CTNNA2: variants seen among roughly 807,000 people sequenced by gnomAD.
CTNNA2 encodes catenin alpha 2, also known as catenin alpha-2.
Under a neutral mutation model 101.0 loss-of-function variants are expected in CTNNA2, and 42 were observed. That is an observed-to-expected ratio of 0.42 (90% CI 0.32 to 0.54). The LOEUF is 0.54. Among genes scored for constraint, CTNNA2 ranks in the 20% least tolerant of loss-of-function variants. The pLI is 0.14. For synonymous variants in CTNNA2, 450 were observed against 456.4 expected (o/e 0.99, Z 0.18); for missense variants, 871 against 1,223.1 (o/e 0.71, Z 4.29).
At chr2:80,327,399 C>T (rs1670909265) in intron 7 of CTNNA2, among the ~76,000 whole-genome samples, 1 of 152,160 alleles carries the variant, frequency 6.6e-6, no homozygotes, top group Admixed American at 6.5e-5. Flanking sequence ...GCTAACTCAT[C>T]CTGTTCCAAA....
intron 2 of CTNNA2, among the ~76,000 whole-genome samples, chr2:79,277,507 T>C (rs148831443): frequency 1.2e-3 from 188 of 152,184 alleles, no homozygotes; most frequent in African/African-American, 4.3e-3. Context: ...CTAAGGATCC[T>C]CTCACTGCTG....
At chr2:80,403,375 T>C (rs1277539895) in intron 8 of CTNNA2, among the ~76,000 whole-genome samples, 2 of 152,202 alleles carry the variant, frequency 1.3e-5, no homozygotes, top group Non-Finnish European at 2.9e-5. Context: ...AAGGGCTGGC[T>C]TTTAAATTTT....
At chr2:80,300,704 A>T (rs1676204563) in intron 7 of CTNNA2, among the ~76,000 whole-genome samples, 1 of 152,188 alleles carries the variant, frequency 6.6e-6, no homozygotes, top group Non-Finnish European at 1.5e-5. Context: ...ACTTAGGGAC[A>T]TGGGCTACAT....
intron 15 of CTNNA2, among the ~76,000 whole-genome samples, chr2:80,589,911 C>T (rs549599172): frequency 8.1e-5 from 12 of 147,772 alleles, no homozygotes; most frequent in East Asian, 4.0e-4. Flanking sequence ...TGTGTGCGCG[C>T]GCGCGCATGT....
chr2:79,877,472 C>G (rs913769754), intron 6 of CTNNA2, among the ~76,000 whole-genome samples: 1 of 152,022 alleles, frequency 6.6e-6, no homozygotes, highest in Non-Finnish European at 1.5e-5. Context: ...AAATAATATA[C>G]CGTTTCTCTT....
At chr2:79,338,332 G>T (rs1677043732) in intron 3 of CTNNA2, among the ~76,000 whole-genome samples, 1 of 151,956 alleles carries the variant, frequency 6.6e-6, no homozygotes, top group Non-Finnish European at 1.5e-5. Context: ...GGCAGAGGAA[G>T]AGAATTTGAG....
intron 4 of CTNNA2, among the ~76,000 whole-genome samples, chr2:79,400,269 CT>C (rs1678275674): frequency 6.6e-6 from 1 of 151,802 alleles, no homozygotes; most frequent in African/African-American, 2.4e-5. Context: ...AAGGAAATTC[CT>C]TGTGAGGGAG....
In CTNNA2 at chr2:80,412,845, A is replaced by C. The variant is rs1044075537; in HGVS notation, c.1138-6604A>C. On this transcript the variant is annotated intron_variant, in intron 8 of 18. Transcript: ENST00000402739. Reference sequence around the variant, plus strand: ...GGGACAGGCAGTCTAGCCTGGGCACATGCTTCTCATGGGGATGGCAGAGAA... The same window carrying C: ...GGGACAGGCAGTCTAGCCTGGGCACCTGCTTCTCATGGGGATGGCAGAGAA... Among the ~76,000 whole-genome samples the C allele has an allele frequency of 9.2e-5, 14 of 152,228 alleles. No individual in the cohort carries two copies. In the South Asian group the frequency reaches 1.0e-3, roughly 11 times the overall value.
intron 7 of CTNNA2, among the ~76,000 whole-genome samples, chr2:80,123,502 A>G (rs1223101178): frequency 1.3e-5 from 2 of 151,972 alleles, no homozygotes; most frequent in Non-Finnish European, 2.9e-5. Flanking sequence ...GGAGACATTA[A>G]TAACACATGG....
chr2:79,298,299 G>T (rs1328130493), intron 2 of CTNNA2, among the ~76,000 whole-genome samples: 1 of 152,048 alleles, frequency 6.6e-6, no homozygotes, highest in Admixed American at 6.6e-5. Context: ...TCTCAGGAAC[G>T]AATAGAGAAA....
intron 3 of CTNNA2, among the ~76,000 whole-genome samples, chr2:79,748,850 A>G (rs1253620176): frequency 6.6e-6 from 1 of 152,034 alleles, no homozygotes; most frequent in African/African-American, 2.4e-5. Context: ...AGATTTCCCT[A>G]TATCTGTAAA....
At chr2:80,402,627 T>C (rs1433557350) in intron 8 of CTNNA2, among the ~76,000 whole-genome samples, 1 of 151,920 alleles carries the variant, frequency 6.6e-6, no homozygotes, top group African/African-American at 2.4e-5. Flanking sequence ...GGGTTAAAGA[T>C]CAAATATTAG....
intron 7 of CTNNA2, among the ~76,000 whole-genome samples, chr2:79,917,250 T>C (rs1342534459): frequency 6.6e-6 from 1 of 151,828 alleles, no homozygotes; most frequent in Non-Finnish European, 1.5e-5. Flanking sequence ...TTTTTATTTT[T>C]AGTAGAGACG....
At chr2:79,511,836 A>G (rs896089096), upstream of CTNNA2, among the ~76,000 whole-genome samples, 5 of 152,188 alleles carry the variant, frequency 3.3e-5, no homozygotes, top group Non-Finnish European at 5.9e-5. Flanking sequence ...AATTTAAAAA[A>G]TGCATGCACT....
Position 80,181,748 on chromosome 2 carries a change from G to A in CTNNA2, c.1057-211463G>A, listed in dbSNP as rs574495074. On this transcript the variant is annotated intron_variant, in intron 7 of 18. Transcript: ENST00000402739. The stretch of plus-strand genomic sequence containing the variant: ...TATGGTCAAAGGTATTATGTATAGA[G>A]TCACTGTATTCTTTGCCACTCACAA... Among the ~76,000 whole-genome samples, 4 of 152,314 alleles carry A rather than the reference G, an allele frequency of 2.6e-5. No individual in the cohort carries two copies. In the South Asian group the frequency reaches 8.3e-4, roughly 32 times the overall value.
intron 1 of CTNNA2, among the ~76,000 whole-genome samples, chr2:79,549,445 T>C (rs1368336938): frequency 1.3e-5 from 2 of 152,228 alleles, no homozygotes; most frequent in African/African-American, 2.4e-5. Flanking sequence ...ACATCCAGGA[T>C]GGTTTAGATC....
At chr2:79,634,074 G>T (rs1239406121) in intron 1 of CTNNA2, among the ~76,000 whole-genome samples, 1 of 152,208 alleles carries the variant, frequency 6.6e-6, no homozygotes, top group Non-Finnish European at 1.5e-5. Flanking sequence ...TCATAAAGTT[G>T]CTGCCCTACA....
chr2:80,637,878 T>C (rs3770374), intron 18 of CTNNA2, among the ~76,000 whole-genome samples: 4,165 of 152,284 alleles, frequency 0.027, 92 homozygotes, highest in South Asian at 0.089. Context: ...TCTCAGTGAT[T>C]ATGCATTGCA....
chr2:79,338,526 T>A (rs1677048388), intron 3 of CTNNA2, among the ~76,000 whole-genome samples: 1 of 152,100 alleles, frequency 6.6e-6, no homozygotes, highest in African/African-American at 2.4e-5. Flanking sequence ...ATGAAAATAC[T>A]TTAAGAAGTG....
Sources: allele counts gnomAD v4.1 joint callset (sites outside exome capture counted in the v4.1 genomes callset), GRCh38; gene constraint gnomAD v4.1.1; transcripts MANE v1.5; gene names NCBI Gene and HGNC (gene_info 2026-07-23, HGNC 2026-07-21).